PALLD: variants seen among roughly 807,000 people sequenced by gnomAD.
The protein encoded by PALLD is palladin.
Under a neutral mutation model 123.5 loss-of-function variants are expected in PALLD, and 61 were observed. That is an observed-to-expected ratio of 0.49 (90% CI 0.40 to 0.61). The LOEUF (loss-of-function observed/expected upper bound fraction) is 0.61, where lower values mean the gene tolerates loss of function less well. Among genes scored for constraint, PALLD ranks in the 20% least tolerant of loss-of-function variants. PALLD has a pLI of 0.00. For synonymous variants in PALLD, 465 were observed against 496.4 expected (o/e 0.94, Z 0.84); for missense variants, 1,273 against 1,377.0 (o/e 0.92, Z 1.20).
At chr4:168,646,589 G>A (rs1187618538) in intron 2 of PALLD, among the ~76,000 whole-genome samples, 2 of 152,146 alleles carry the variant, frequency 1.3e-5, no homozygotes, top group African/African-American at 4.8e-5. Flanking sequence ...CTTGTGAAAT[G>A]GTGCACAGGA....
At chr4:168,893,906 T>C (rs2151211036) in intron 11 of PALLD, among the ~76,000 whole-genome samples, 1 of 152,312 alleles carries the variant, frequency 6.6e-6, no homozygotes, top group Non-Finnish European at 1.5e-5. Flanking sequence ...TTGGCAAGTG[T>C]CTTGTGTAAT....
intron 2 of PALLD, among the ~76,000 whole-genome samples, chr4:168,535,156 T>A (rs1484938063): frequency 6.6e-6 from 1 of 152,194 alleles, no homozygotes; most frequent in African/African-American, 2.4e-5. Flanking sequence ...ATTAGGAACT[T>A]GAGCATCTCT....
chr4:168,779,951 T>C (rs1735668075), intron 10 of PALLD, among the ~76,000 whole-genome samples: 1 of 151,950 alleles, frequency 6.6e-6, no homozygotes, highest in Non-Finnish European at 1.5e-5. Context: ...TCTGTTGCAC[T>C]GCAGTGGCGT....
At chr4:168,667,815 A>T (rs1302244241) in intron 2 of PALLD, among the ~76,000 whole-genome samples, 1 of 152,206 alleles carries the variant, frequency 6.6e-6, no homozygotes, top group Non-Finnish European at 1.5e-5. Flanking sequence ...TAATGTTTAT[A>T]TTTTCTATTT....
At chr4:168,731,986 C>T (rs1199426371) in intron 10 of PALLD, among the ~76,000 whole-genome samples, 1 of 152,232 alleles carries the variant, frequency 6.6e-6, no homozygotes, top group Non-Finnish European at 1.5e-5. Flanking sequence ...ACATGTTACA[C>T]ATGGATGGTG....
intron 10 of PALLD, chr4:168,755,902 C>G (rs973173229): frequency 1.1e-5 from 2 of 176,704 alleles, no homozygotes; most frequent in Non-Finnish European, 2.4e-5. Flanking sequence ...GTGAAAGGCC[C>G]TAGAGGACCC....
chr4:168,688,381 T>C (rs1451163087), intron 6 of PALLD, among the ~76,000 whole-genome samples: 2 of 152,194 alleles, frequency 1.3e-5, no homozygotes, highest in East Asian at 1.9e-4. Context: ...GGCAGACTGG[T>C]GGACCACAGG....
At chr4:168,661,933 T>G (rs970693695) in intron 2 of PALLD, among the ~76,000 whole-genome samples, 3 of 152,180 alleles carry the variant, frequency 2.0e-5, no homozygotes, top group Admixed American at 6.5e-5. Flanking sequence ...TATTTGCATA[T>G]AATATGCATT....
At chr4:168,838,303 A>C (rs943185613) in intron 10 of PALLD, among the ~76,000 whole-genome samples, 1 of 152,172 alleles carries the variant, frequency 6.6e-6, no homozygotes, top group African/African-American at 2.4e-5. Context: ...AGCCAAGAGC[A>C]CAGAGCTGAT....
chr4:168,888,973 A>T (rs1753753014), intron 10 of PALLD, among the ~76,000 whole-genome samples: 1 of 152,072 alleles, frequency 6.6e-6, no homozygotes, highest in African/African-American at 2.4e-5. Flanking sequence ...TTTCTGCTGC[A>T]TACTTAGTGA....
At chr4:168,761,011 T>G (rs533477222) in intron 10 of PALLD, among the ~76,000 whole-genome samples, 1 of 152,182 alleles carries the variant, frequency 6.6e-6, no homozygotes, top group Non-Finnish European at 1.5e-5. Context: ...TCCGATGCAT[T>G]TTTTGTTCTC....
chr4:168,615,441 T>C (rs1280425222), intron 2 of PALLD, among the ~76,000 whole-genome samples: 1 of 152,198 alleles, frequency 6.6e-6, no homozygotes, highest in Non-Finnish European at 1.5e-5. Flanking sequence ...ATAACAGAAC[T>C]TGGGCTCTGG....
At chr4:168,833,695 G>C (rs950021873) in intron 10 of PALLD, among the ~76,000 whole-genome samples, 2 of 151,614 alleles carry the variant, frequency 1.3e-5, no homozygotes, top group Non-Finnish European at 2.9e-5. Flanking sequence ...CAGGGATTTG[G>C]GTTTGGGTTG....
rs1783028333 is a variant in PALLD, at chr4:168,695,219, TA to T, written c.1501+3929del. 2.6e-5 allele frequency among the ~76,000 whole-genome samples: 4 copies of T among 152,304 alleles called. No individual in the cohort carries two copies. The South Asian group carries it at 8.3e-4, about 32-fold the overall frequency. ...TGATTCTCTGATTCAAAATATAAAG[TA>T]AGTTACACTTAGTTAAATGTACTAA... On this transcript the variant is annotated intron_variant, in intron 8 of 21. Coordinates refer to ENST00000505667, the MANE Select transcript of PALLD (RefSeq NM_001166108.2).
At chr4:168,569,761 A>G (rs1768784342) in intron 2 of PALLD, among the ~76,000 whole-genome samples, 1 of 152,164 alleles carries the variant, frequency 6.6e-6, no homozygotes, top group Non-Finnish European at 1.5e-5. Context: ...AATCTACATC[A>G]GACTTGACCC....
At chr4:168,639,796 G>T (rs553055329) in intron 2 of PALLD, among the ~76,000 whole-genome samples, 11 of 152,162 alleles carry the variant, frequency 7.2e-5, no homozygotes, top group African/African-American at 2.4e-4. Flanking sequence ...CGCCCGCCTC[G>T]GCCACCCAAA....
At chr4:168,709,241 G>GTTGTCTACA in intron 9 of PALLD, 94 bp downstream of exon 9, 1 of 1,301,950 alleles carries the variant, frequency 7.7e-7, no homozygotes. Flanking sequence ...CAGGTGCAGT[G>GTTGTCTACA]GCTCACACCT....
intron 10 of PALLD, chr4:168,828,850 A>T (rs980653079): frequency 2.6e-5 from 4 of 152,288 alleles, no homozygotes; most frequent in Non-Finnish European, 2.9e-5. Context: ...GCGAAGCTGG[A>T]GGGAGTTCCT....
At chr4:168,860,182 G>A (rs112354857) in intron 10 of PALLD, among the ~76,000 whole-genome samples, 1,781 of 152,206 alleles carry the variant, frequency 0.012, 45 homozygotes, top group African/African-American at 0.041. Context: ...ATCTTTTCGC[G>A]TCTGAAAACT....
Sources: gnomAD v4.1 joint callset for allele counts (sites outside exome capture counted in the v4.1 genomes callset) on GRCh38, gnomAD v4.1.1 for gene constraint, MANE v1.5 for transcripts, NCBI Gene and HGNC (gene_info 2026-07-23, HGNC 2026-07-21) for gene names.